The following PRDM16 variants were observed in gnomAD, a reference collection of about 807,000 sequenced individuals.
PRDM16 encodes the protein PR/SET domain 16.
PRDM16 carries 23 observed loss-of-function variants against 110.6 expected under a neutral mutation model. That is an observed-to-expected ratio of 0.21 (90% CI 0.15 to 0.29). The LOEUF is 0.29. Among genes scored for constraint, PRDM16 ranks in the 10% least tolerant of loss-of-function variants. PRDM16 has a pLI of 1.00. For missense variants in PRDM16, 1,615 were observed against 1,794.3 expected, an observed-to-expected ratio of 0.90 and a Z score of 1.81; for synonymous variants, 799 against 781.8, an observed-to-expected ratio of 1.02 and a Z score of -0.37.
At chr1:3,351,541 T>TCTCCCCGCC in intron 3 of PRDM16, among the ~76,000 whole-genome samples, 1 of 59,776 alleles carries the variant, frequency 1.7e-5, no homozygotes, top group Admixed American at 1.8e-4. Flanking sequence ...TCCCCCTCCC[T>TCTCCCCGCC]CTCTGTCCCC....
Position 3,425,967 on chromosome 1 carries a change from G to A in PRDM16, c.3110-84G>A, listed in dbSNP as rs973078740. On this transcript the variant is annotated intron_variant, in intron 13 of 16. Coordinates refer to ENST00000270722, the MANE Select transcript of PRDM16 (RefSeq NM_022114.4). The surrounding 1 kb of genome is among the most constrained non-coding windows in gnomAD (Gnocchi z 6.9). The stretch of plus-strand genomic sequence containing the variant: ...ACCTGCCTCCCTAACAGCACCCCAG[G>A]TGTACCCCGTTCGCGGTTGGTTTGC... 6.1e-6 allele frequency: 9 copies of A among 1,464,556 alleles called. No individual in the cohort carries two copies. Among genetic ancestry groups the A allele is most frequent in the East Asian group, 2.4e-5 (1 of 42,480 alleles). The allele number at this position is 1,464,556 out of a possible 1,614,324, so 90.7% of individuals were successfully genotyped here.
At chr1:3,164,385 G>A (rs777259456) in intron 1 of PRDM16, among the ~76,000 whole-genome samples, 1 of 152,198 alleles carries the variant, frequency 6.6e-6, no homozygotes, top group African/African-American at 2.4e-5. Flanking sequence ...ACGTTGGGCC[G>A]ACAGCTTCTG....
At chr1:3,101,680 G>C (rs566304103) in intron 1 of PRDM16, among the ~76,000 whole-genome samples, 1 of 152,340 alleles carries the variant, frequency 6.6e-6, no homozygotes, top group East Asian at 1.9e-4. Flanking sequence ...CCAAGTGAGG[G>C]AACAGAACTT....
chr1:3,336,709 C>A (rs1358661162), intron 3 of PRDM16, among the ~76,000 whole-genome samples: 1 of 150,526 alleles, frequency 6.6e-6, no homozygotes, highest in Non-Finnish European at 1.5e-5. Flanking sequence ...TGAGCACATG[C>A]ATGCACATGT....
At chr1:3,299,808 C>T (rs539025937) in intron 3 of PRDM16, among the ~76,000 whole-genome samples, 2 of 71,828 alleles carry the variant, frequency 2.8e-5, no homozygotes, top group Admixed American at 1.7e-4. Flanking sequence ...AGATCCCAGT[C>T]GTGGTGACTC....
At chr1:3,071,345 G>A (rs1385257143) in intron 1 of PRDM16, among the ~76,000 whole-genome samples, 1 of 152,268 alleles carries the variant, frequency 6.6e-6, no homozygotes, top group African/African-American at 2.4e-5. Flanking sequence ...ATCTGGCCAG[G>A]AGGCCGGAGA....
chr1:3,186,045 C>T lies in PRDM16; in HGVS notation c.38-80C>T, dbSNP rs139986863. Reference sequence around the variant, plus strand: ...AGCACCCTCGGTGCCCATTGATGCCCGAGTCCCCGGCGCTCCCTGAGCTGT... The same window carrying T: ...AGCACCCTCGGTGCCCATTGATGCCTGAGTCCCCGGCGCTCCCTGAGCTGT... On this transcript the variant is annotated intron_variant, in intron 1 of 16. Transcript: ENST00000270722. 2.4e-5 allele frequency: 30 copies of T among 1,254,080 alleles called. No homozygotes were observed. The South Asian group carries it at 2.5e-4, about 11-fold the overall frequency. 77.7% of individuals were successfully genotyped at this position (1,254,080 alleles called of 1,614,324 possible).
chr1:3,102,169 G>C (rs368255568), intron 1 of PRDM16, among the ~76,000 whole-genome samples: 30 of 152,322 alleles, frequency 2.0e-4, no homozygotes, highest in East Asian at 1.5e-3. Flanking sequence ...CCAGAGCTCA[G>C]AGAGGGTGGG....
chr1:3,212,428 G>A lies in PRDM16; in HGVS notation c.387+25954G>A, dbSNP rs1220552175. ...GCACCTTTGAATTCTGGGAGTCCAGGCCTGGAGCCGGCCGGACGCTGGCCT... is the reference window on the plus strand; with the variant it reads ...GCACCTTTGAATTCTGGGAGTCCAGACCTGGAGCCGGCCGGACGCTGGCCT... On this transcript the variant is annotated intron_variant, in intron 2 of 16. Coordinates refer to ENST00000270722, the MANE Select transcript of PRDM16 (RefSeq NM_022114.4). Among the ~76,000 whole-genome samples, 3 of 152,126 alleles carry A rather than the reference G, an allele frequency of 2.0e-5. No homozygotes were observed. In the East Asian group the frequency reaches 5.8e-4, roughly 29 times the overall value.
In PRDM16 at chr1:3,213,843, G is replaced by T. The variant is rs757643557; in HGVS notation, c.387+27369G>T. ...GGCCAAGCCGGTGCCTTCCCAGGAG[G>T]CCTTGCCACCCCCCATTAATCCTGC... is the stretch of plus-strand genomic sequence containing the variant. On this transcript the variant is annotated intron_variant, in intron 2 of 16. Transcript: ENST00000270722. The surrounding 1 kb of genome is among the most constrained non-coding windows in gnomAD (Gnocchi z 5.3). Among the ~76,000 whole-genome samples, 2 of 152,162 alleles carry T rather than the reference G, an allele frequency of 1.3e-5. No homozygotes were observed. The highest frequency in any genetic ancestry group is 2.4e-5 in the African/African-American group (1 of 41,420).
rs574579464 is a variant in PRDM16 at position 3,247,845 on chromosome 1, G to C, written c.438+3708G>C. On this transcript the variant is annotated intron_variant, in intron 3 of 16. Transcript: ENST00000270722. ...GGGCTGCGTCGCGCCTTTCCTGGCC[G>C]CGGTGCGGGGACCTCTGGGACCGCT... Among the ~76,000 whole-genome samples, 223 of 152,386 alleles carry C rather than the reference G, an allele frequency of 1.5e-3. 3 individuals carry two copies. Among genetic ancestry groups the C allele is most frequent in the African/African-American group, 5.0e-3 (210 of 41,598 alleles).
intron 3 of PRDM16, among the ~76,000 whole-genome samples, chr1:3,305,469 T>G (rs1275719191): frequency 6.6e-6 from 1 of 152,154 alleles, no homozygotes; most frequent in Non-Finnish European, 1.5e-5. Context: ...CAGCTCCATG[T>G]TAGGTGTAAG....
intron 2 of PRDM16, among the ~76,000 whole-genome samples, chr1:3,231,596 C>T (rs1371498688): frequency 1.3e-5 from 2 of 152,240 alleles, no homozygotes; most frequent in Non-Finnish European, 2.9e-5. Context: ...CCGTCCTTCC[C>T]AGCTCTGTGA....
intron 5 of PRDM16, among the ~76,000 whole-genome samples, chr1:3,399,921 A>C (rs536656010): frequency 1.3e-5 from 2 of 152,226 alleles, no homozygotes; most frequent in Admixed American, 1.3e-4. Flanking sequence ...GTTGGAATCC[A>C]CCCACAGGCA....
At chr1:3,166,861 C>G (rs1435795494) in intron 1 of PRDM16, among the ~76,000 whole-genome samples, 1 of 152,210 alleles carries the variant, frequency 6.6e-6, no homozygotes. Flanking sequence ...GCCGTGCACC[C>G]TGGTTCAATT....
At chr1:3,101,210 G>A (rs374904092) in intron 1 of PRDM16, among the ~76,000 whole-genome samples, 3 of 152,170 alleles carry the variant, frequency 2.0e-5, no homozygotes, top group African/African-American at 2.4e-5. Context: ...TGGCCCCAGC[G>A]GACGAGCAAA....
chr1:3,246,569 G>A lies in PRDM16; in HGVS notation c.438+2432G>A, dbSNP rs1450025786. Among the ~76,000 whole-genome samples, 1 of 152,222 alleles carries A rather than the reference G, an allele frequency of 6.6e-6. No individual in the cohort carries two copies. The highest frequency in any genetic ancestry group is 1.5e-5 in the Non-Finnish European group (1 of 68,036). On this transcript the variant is annotated intron_variant, in intron 3 of 16. Transcript: ENST00000270722. The surrounding 1 kb of genome is among the most constrained non-coding windows in gnomAD (Gnocchi z 5.2). The stretch of plus-strand genomic sequence containing the variant: ...GCTGCCCTGCAGGCCCAGTCCGAGG[G>A]GCTGGGGGCTGCCTGGAGGAGGCAC...
At chr1:3,316,075 A>G (rs1159332261) in intron 3 of PRDM16, among the ~76,000 whole-genome samples, 1 of 150,616 alleles carries the variant, frequency 6.6e-6, no homozygotes, top group African/African-American at 2.4e-5. Context: ...CTCAGGCCAC[A>G]CAGATAAAGA....
chr1:3,423,117 G>A (rs1638486864), intron 12 of PRDM16, among the ~76,000 whole-genome samples: 1 of 152,238 alleles, frequency 6.6e-6, no homozygotes, highest in African/African-American at 2.4e-5. Context: ...GCAGCACCAG[G>A]GAAGTTTGCT....
Sources: gnomAD v4.1 joint callset for allele counts (sites outside exome capture counted in the v4.1 genomes callset) on GRCh38, gnomAD v4.1.1 for gene constraint, Gnocchi (gnomAD v3.1) non-coding constraint, MANE v1.5 for transcripts, NCBI Gene and HGNC (gene_info 2026-07-23, HGNC 2026-07-21) for gene names.